The following CCN6 variants were observed in gnomAD, a reference collection of about 807,000 sequenced individuals.
CCN6 encodes the protein cellular communication network factor 6.
Under a neutral mutation model 37.4 loss-of-function variants are expected in CCN6, and 31 were observed. The ratio of observed to expected loss-of-function variants is 0.83; its 90% CI spans 0.62 to 1.12. The LOEUF (loss-of-function observed/expected upper bound fraction) is 1.12. CCN6 is among the 50% of genes most tolerant of loss of function. CCN6 has a pLI of 0.00. For synonymous variants in CCN6, 137 were observed against 142.1 expected (o/e 0.96, Z 0.26); for missense variants, 369 against 413.8 (o/e 0.89, Z 0.94).
chr6:112,059,493 T>A (rs1776445924), intron 1 of CCN6, among the ~76,000 whole-genome samples: 1 of 152,174 alleles, frequency 6.6e-6, no homozygotes, highest in East Asian at 1.9e-4. Flanking sequence ...TACCTCTGCT[T>A]CTGCCATCAC....
chr6:112,056,229 G>A (rs1458386274), intron 1 of CCN6, among the ~76,000 whole-genome samples: 3 of 152,136 alleles, frequency 2.0e-5, no homozygotes, highest in Non-Finnish European at 2.9e-5. Flanking sequence ...TCTTCAGACC[G>A]AAGATCCTCC....
chr6:112,060,873 A>G (rs1443430457), intron 1 of CCN6, 118 bp from the exon 2 acceptor site: 16 of 1,180,046 alleles, frequency 1.4e-5, no homozygotes, highest in Middle Eastern at 2.8e-4. Flanking sequence ...GATAGGTGTT[A>G]TTATAATGAT....
upstream of CCN6, among the ~76,000 whole-genome samples, chr6:112,053,598 T>C (rs1285992620): frequency 6.6e-6 from 1 of 151,662 alleles, no homozygotes; most frequent in East Asian, 1.9e-4. Flanking sequence ...AAAATGGAGG[T>C]TAACTTCATT....
chr6:112,067,644 T>C (rs1457377236), intron 3 of CCN6, among the ~76,000 whole-genome samples: 4 of 152,194 alleles, frequency 2.6e-5, no homozygotes, highest in Non-Finnish European at 5.9e-5. Flanking sequence ...ACTTTCTATA[T>C]AAATGATTAG....
At chr6:112,066,644 C>T (rs1258124040) in intron 3 of CCN6, among the ~76,000 whole-genome samples, 14 of 152,108 alleles carry the variant, frequency 9.2e-5, no homozygotes, top group Admixed American at 9.2e-4. Context: ...ATATTTATGG[C>T]CCACACAGGA....
intron 1 of CCN6, among the ~76,000 whole-genome samples, chr6:112,058,380 A>G (rs913383738): frequency 1.3e-5 from 2 of 152,232 alleles, no homozygotes; most frequent in Non-Finnish European, 2.9e-5. Flanking sequence ...CTAGTAATCA[A>G]TTCAACAGTC....
At chr6:112,068,502 T>G (rs1776768757) in intron 4 of CCN6, 104 bp downstream of exon 4, 3 of 1,050,606 alleles carry the variant, frequency 2.9e-6, no homozygotes, top group Non-Finnish European at 4.1e-6. Context: ...CTTAGAAAAA[T>G]AAAAGCATCT....
intron 1 of CCN6, among the ~76,000 whole-genome samples, chr6:112,058,519 G>A (rs78110079): frequency 0.065 from 9,925 of 152,288 alleles, 463 homozygotes; most frequent in Middle Eastern, 0.1. Flanking sequence ...ACGGCTAGTG[G>A]AAGAGATAGG....
chr6:112,064,794 A>C lies in CCN6; in HGVS notation c.386A>C (p.Tyr129Ser). ...GGGTGCGAGTTCAACCAGGTACATT[A>C]TCATAATGGCCAAGTGTTTCAGCCC... ...AVGCEFNQVH[Y>S]HNGQVFQPNP... Residue 129 changes from tyrosine to serine, a missense_variant, in exon 3 of 5, where the codon TAT becomes TCT. Coordinates refer to ENST00000368666, the MANE Select transcript of CCN6 (RefSeq NM_198239.2). 6.2e-7 allele frequency: 1 copy of C among 1,614,080 alleles called. No individual in the cohort carries two copies. The highest frequency in any genetic ancestry group is 8.5e-7 in the Non-Finnish European group (1 of 1,179,942).
chr6:112,061,162 T>C lies in CCN6; in HGVS notation c.220T>C (p.Cys74Arg). ...GAGCCTGGTGAGAGATGGCTGTGGA[T>C]GCTGTAAAATCTGTGCCAAGCAACC... ...GVSLVRDGCG[C>R]CKICAKQPGE... Residue 74 changes from cysteine to arginine, a missense_variant, in exon 2 of 5, where the codon TGC becomes CGC. Cys to Arg is a radical substitution (Grantham distance 180). Transcript: ENST00000368666. 6.2e-7 allele frequency: 1 copy of C among 1,614,160 alleles called. No individual in the cohort carries two copies. Among genetic ancestry groups the C allele is most frequent in the Non-Finnish European group, 8.5e-7 (1 of 1,180,032 alleles).
Position 112,069,477 on chromosome 6 carries a change from A to C in CCN6, c.922A>C (p.Asn308His). 1 of 1,613,740 alleles carries C rather than the reference A, an allele frequency of 6.2e-7. No homozygotes were observed. The highest frequency in any genetic ancestry group is 8.5e-7 in the Non-Finnish European group (1 of 1,179,838). Residue 308 changes from asparagine to histidine, a missense_variant, in exon 5 of 5, where the codon AAT (asparagine) becomes CAT (histidine). Coordinates refer to ENST00000368666, the MANE Select transcript of CCN6 (RefSeq NM_198239.2). ...ICLDKRCCIPNKSKMITIQFD... is the reference protein window; with the variant it reads ...ICLDKRCCIPHKSKMITIQFD... ...CTTGGATAAGAGATGCTGTATCCCT[A>C]ATAAGTCTAAAATGATTACTATTCA...
Position 112,054,530 on chromosome 6 carries a change from A to C in CCN6, c.48+125A>C, listed in dbSNP as rs587632663. The C allele has an allele frequency of 1.3e-5, 12 of 892,182 alleles. No homozygotes were observed. In the Middle Eastern group the frequency reaches 6.6e-4, roughly 49 times the overall value. The allele number at this position is 892,182 out of a possible 1,614,324, so 55.3% of individuals were successfully genotyped here. On this transcript the variant is annotated intron_variant, in intron 1 of 4. Coordinates refer to ENST00000368666, the MANE Select transcript of CCN6 (RefSeq NM_198239.2). Reference sequence around the variant, plus strand: ...GATCAATGGCTTGTGGAACTACTTCATGAGAAATAGGAAGCCATTTTTCTT... The same window carrying C: ...GATCAATGGCTTGTGGAACTACTTCCTGAGAAATAGGAAGCCATTTTTCTT...
intron 4 of CCN6, 25 bp downstream of exon 4, chr6:112,068,423 A>T: frequency 6.4e-7 from 1 of 1,569,200 alleles, no homozygotes; most frequent in Non-Finnish European, 8.7e-7. Flanking sequence ...TATTTAACTT[A>T]ATTCAATATT....
Position 112,069,595 on chromosome 6 carries a change from T to G in CCN6, c.1040T>G (p.Ile347Arg). The G allele has an allele frequency of 6.2e-7, 1 of 1,613,706 alleles. No individual in the cohort carries two copies. The highest frequency in any genetic ancestry group is 8.5e-7 in the Non-Finnish European group (1 of 1,179,786). ...AGAAACTGCAGAGAACCTGGAGATA[T>G]ATTTTCTGAGCTCAAGATTCTGTAA... ...CQRNCREPGD[I>R]FSELKIL is the part of the protein sequence containing the mutation. Residue 347 changes from isoleucine (I) to arginine (R), a missense_variant, in exon 5 of 5, where the codon ATA (isoleucine) becomes AGA (arginine). By Grantham distance (97) the Ile-to-Arg change is moderately conservative (BLOSUM62 -3). Coordinates refer to ENST00000368666, the MANE Select transcript of CCN6 (RefSeq NM_198239.2).
chr6:112,066,695 C>T (rs587765534), intron 3 of CCN6, among the ~76,000 whole-genome samples: 9 of 152,234 alleles, frequency 5.9e-5, no homozygotes, highest in Non-Finnish European at 8.8e-5. Flanking sequence ...AAAACACATA[C>T]TTTTAGATAT....
At chr6:112,066,886 G>C in intron 3 of CCN6, 1 of 1,115,294 alleles carries the variant, frequency 9.0e-7, no homozygotes, top group Non-Finnish European at 1.2e-6. Context: ...TTAATGAATG[G>C]TAAATTCCTG....
intron 3 of CCN6, among the ~76,000 whole-genome samples, chr6:112,066,157 G>GA (rs1444209223): frequency 6.6e-6 from 1 of 151,644 alleles, no homozygotes; most frequent in African/African-American, 2.4e-5. Context: ...CAGTAAATTA[G>GA]AAAAAAAATT....
chr6:112,053,869 G>C (rs375325916), upstream of CCN6, among the ~76,000 whole-genome samples: 5 of 150,640 alleles, frequency 3.3e-5, no homozygotes, highest in South Asian at 4.3e-4. Context: ...TGTTGGTGGG[G>C]GGGCCAGGCC....
At chr6:112,060,859 TGC>T in intron 1 of CCN6, 130 bp from the exon 2 acceptor site, 4 of 1,050,164 alleles carry the variant, frequency 3.8e-6, no homozygotes, top group Non-Finnish European at 5.7e-6. Flanking sequence ...TTGTGTCAAA[TGC>T]TGATAGGTGT....
Sources: allele counts gnomAD v4.1 joint callset (sites outside exome capture counted in the v4.1 genomes callset), GRCh38; gene constraint gnomAD v4.1.1; transcripts MANE v1.5; gene names NCBI Gene and HGNC (gene_info 2026-07-23, HGNC 2026-07-21).